ADAMTSL1: variants seen among roughly 807,000 people sequenced by gnomAD.
ADAMTSL1 encodes ADAMTS-like protein 1.
Under a neutral mutation model 201.8 loss-of-function variants are expected in ADAMTSL1, and 126 were observed. That is an observed-to-expected ratio of 0.62 (90% CI 0.54 to 0.72). ADAMTSL1 has a LOEUF of 0.72. Ranked by LOEUF, ADAMTSL1 falls within the 30% of genes least tolerant of loss-of-function variation. The probability of loss-of-function intolerance (pLI) is 0.00; values close to 1 mark genes in which losing one functional copy is unlikely to be tolerated. For synonymous variants in ADAMTSL1, 1,121 were observed against 903.4 expected (o/e 1.24, Z -4.32); for missense variants, 2,679 against 2,277.8 (o/e 1.18, Z -3.59).
chr9:18,671,249 C>A (rs1240177023), intron 9 of ADAMTSL1, among the ~76,000 whole-genome samples: 1 of 152,000 alleles, frequency 6.6e-6, no homozygotes. Context: ...GAATTTCTGG[C>A]TAGATGTTAA....
At chr9:18,205,652 G>C (rs935613403) in intron 2 of ADAMTSL1, among the ~76,000 whole-genome samples, 5 of 152,054 alleles carry the variant, frequency 3.3e-5, no homozygotes, top group African/African-American at 1.2e-4. Context: ...TGTACTTCAT[G>C]ATGTTCTCTC....
intron 1 of ADAMTSL1, among the ~76,000 whole-genome samples, chr9:17,969,834 G>C (rs1818135999): frequency 6.6e-6 from 1 of 151,902 alleles, no homozygotes; most frequent in South Asian, 2.1e-4. Context: ...TTTTATAAAG[G>C]TAACAGTTAC....
At chr9:17,923,090 G>A (rs182763793) in intron 1 of ADAMTSL1, among the ~76,000 whole-genome samples, 1 of 152,256 alleles carries the variant, frequency 6.6e-6, no homozygotes, top group Admixed American at 6.5e-5. Context: ...CTCCAGCTTT[G>A]TTCTTTTGGC....
At chr9:18,018,956 G>A (rs1335177858) in intron 1 of ADAMTSL1, among the ~76,000 whole-genome samples, 1 of 152,054 alleles carries the variant, frequency 6.6e-6, no homozygotes, top group Non-Finnish European at 1.5e-5. Flanking sequence ...AACTAGAAAT[G>A]CTGTAGTACT....
chr9:18,242,329 T>C (rs1329093492), intron 2 of ADAMTSL1, among the ~76,000 whole-genome samples: 2 of 152,058 alleles, frequency 1.3e-5, no homozygotes, highest in Non-Finnish European at 2.9e-5. Context: ...TAATAAAAAC[T>C]CTTAACATTT....
intron 26 of ADAMTSL1, among the ~76,000 whole-genome samples, chr9:18,904,359 C>G (rs909135144): frequency 2.6e-5 from 4 of 151,892 alleles, no homozygotes; most frequent in Non-Finnish European, 5.9e-5. Context: ...GTCCCAGCTA[C>G]TTGGGAGGCT....
At chr9:18,287,706 A>ACATAAATATATTACATATATGTATGTG (rs1833071716) in intron 2 of ADAMTSL1, among the ~76,000 whole-genome samples, 1 of 64,332 alleles carries the variant, frequency 1.6e-5, no homozygotes, top group Admixed American at 2.4e-4. Context: ...ATATGTACAT[A>ACATAAATATATTACATATATGTATGTG]TATTTACATA....
chr9:18,146,358 A>G (rs1747645129), intron 1 of ADAMTSL1, among the ~76,000 whole-genome samples: 1 of 152,228 alleles, frequency 6.6e-6, no homozygotes, highest in African/African-American at 2.4e-5. Context: ...AATATCCTTC[A>G]ATAGGTGAAT....
intron 2 of ADAMTSL1, among the ~76,000 whole-genome samples, chr9:18,377,123 A>G (rs1837330217): frequency 6.6e-6 from 1 of 152,214 alleles, no homozygotes; most frequent in African/African-American, 2.4e-5. Flanking sequence ...AGTTTGAGAC[A>G]ACGGTTAAGA....
At chr9:18,425,877 A>AT (rs2133380625) in intron 2 of ADAMTSL1, among the ~76,000 whole-genome samples, 1 of 151,456 alleles carries the variant, frequency 6.6e-6, no homozygotes, top group African/African-American at 2.4e-5. Flanking sequence ...AAAAAAAAAA[A>AT]AGACGTGTAT....
At chr9:18,617,983 T>A (rs914449343) in intron 4 of ADAMTSL1, among the ~76,000 whole-genome samples, 1 of 152,208 alleles carries the variant, frequency 6.6e-6, no homozygotes, top group African/African-American at 2.4e-5. Context: ...TTGCCAAAGT[T>A]ATGAGTGGTC....
intron 1 of ADAMTSL1, among the ~76,000 whole-genome samples, chr9:18,025,372 A>G (rs1468088640): frequency 6.6e-6 from 1 of 152,034 alleles, no homozygotes; most frequent in Non-Finnish European, 1.5e-5. Flanking sequence ...TTCTTCTAGG[A>G]TTTTTATAGT....
chr9:18,200,737 A>G (rs1829409079), intron 2 of ADAMTSL1, among the ~76,000 whole-genome samples: 1 of 152,194 alleles, frequency 6.6e-6, no homozygotes, highest in East Asian at 1.9e-4. Context: ...TAAGCTGAAA[A>G]TTAATAAGTT....
rs889541061 is a variant in ADAMTSL1 at position 18,107,008 on chromosome 9, C to A, written c.88-56854C>A. On this transcript the variant is annotated intron_variant, in intron 1 of 29. Transcript: ENST00000680146. ...AGACTGTAGACCACATAGGTTGGGGCTTTTTTATGTAACATCTTCAAGCCA... is the reference window on the plus strand; with the variant it reads ...AGACTGTAGACCACATAGGTTGGGGATTTTTTATGTAACATCTTCAAGCCA... Among the ~76,000 whole-genome samples the A allele has an allele frequency of 2.6e-5, 4 of 152,090 alleles. No individual in the cohort carries two copies. In the South Asian group the frequency reaches 8.3e-4, roughly 32 times the overall value.
intron 2 of ADAMTSL1, among the ~76,000 whole-genome samples, chr9:18,270,884 C>G (rs942458440): frequency 2.0e-5 from 3 of 152,234 alleles, no homozygotes; most frequent in Admixed American, 1.3e-4. Context: ...AGAGATACAT[C>G]TTTTGCATAG....
At chr9:18,865,175 T>C (rs888689424) in intron 23 of ADAMTSL1, among the ~76,000 whole-genome samples, 5 of 152,182 alleles carry the variant, frequency 3.3e-5, no homozygotes, top group Non-Finnish European at 5.9e-5. Context: ...TATCTCCTAA[T>C]GCTATCCCTC....
In ADAMTSL1 at chr9:18,660,554, G is replaced by A. The variant is rs1006337693; in HGVS notation, c.947-1381G>A. Among the ~76,000 whole-genome samples the A allele has an allele frequency of 2.6e-5, 4 of 152,078 alleles. No individual in the cohort carries two copies. In the East Asian group the frequency reaches 5.8e-4, roughly 22 times the overall value. On this transcript the variant is annotated intron_variant, in intron 8 of 28. Transcript: ENST00000380548. ...ATTAATAATTTACTGCATTGTTCCT[G>A]TATTTTACTACATGATAAATTCTGT...
intron 1 of ADAMTSL1, among the ~76,000 whole-genome samples, chr9:18,065,778 C>T (rs996871035): frequency 6.6e-6 from 1 of 151,878 alleles, no homozygotes; most frequent in African/African-American, 2.4e-5. Context: ...GGCAGGAGTT[C>T]GAGACCAGCC....
chr9:18,360,742 C>T lies in ADAMTSL1; in HGVS notation c.208-144087C>T, dbSNP rs762403954. 3 of 152,218 alleles carry T rather than the reference C, an allele frequency of 2.0e-5. No individual in the cohort carries two copies. The East Asian group carries it at 5.8e-4, about 29-fold the overall frequency. 9.4% of individuals were successfully genotyped at this position (152,218 alleles called of 1,614,324 possible). A position where few individuals can be genotyped will look rare whatever the true frequency, so the allele number is the denominator to read the frequency against. On this transcript the variant is annotated intron_variant, in intron 2 of 29. Coordinates refer to the ADAMTSL1 transcript ENST00000680146. ...AATGAATATGTTTTTGAAATTTTAACATCTAACATGAAAAATCACTCCAGT... is the reference window on the plus strand; with the variant it reads ...AATGAATATGTTTTTGAAATTTTAATATCTAACATGAAAAATCACTCCAGT...
Sources: allele counts gnomAD v4.1 joint callset (sites outside exome capture counted in the v4.1 genomes callset), GRCh38; gene constraint gnomAD v4.1.1; transcripts MANE v1.5; gene names NCBI Gene and HGNC (gene_info 2026-07-23, HGNC 2026-07-21).